Variants in PRC1 observed in about 807,000 individuals in gnomAD.
The protein encoded by PRC1 is protein regulator of cytokinesis 1, also known as anaphase spindle elongation 1 homolog.
PRC1 carries 54 observed loss-of-function variants against 91.2 expected under a neutral mutation model. The ratio of observed to expected loss-of-function variants is 0.59; its 90% CI spans 0.48 to 0.74. PRC1 has a LOEUF of 0.74. Among genes scored for constraint, PRC1 ranks in the 30% least tolerant of loss-of-function variants. PRC1 has a pLI of 0.00. For synonymous variants in PRC1, 275 were observed against 263.6 expected, an observed-to-expected ratio of 1.04 and a Z score of -0.42; for missense variants, 727 against 746.2, an observed-to-expected ratio of 0.97 and a Z score of 0.30.
chr15:90,983,592 A>T (rs1024326537), intron 3 of PRC1: 1 of 153,138 alleles, frequency 6.5e-6, no homozygotes, highest in Non-Finnish European at 1.5e-5. Flanking sequence ...GTTCAGTGGT[A>T]TGCAGCTTCT....
In PRC1 at chr15:90,981,015, G is replaced by C. The variant is rs767594265; in HGVS notation, c.691C>G (p.Gln231Glu). ...AGCCCCTCACACACTGCTTCATTTT[G>C]TGATTTCTGCATTTCCAGCTACAGC... ...LLRQLEMQKSQNEAVCEGLRT... is the reference protein window; with the variant it reads ...LLRQLEMQKSENEAVCEGLRT... The change falls in exon 6 of 15, where the codon CAA becomes GAA. Residue 231 changes from glutamine (Q) to glutamate (E), a missense_variant. By Grantham distance (29) the Gln-to-Glu change is conservative (BLOSUM62 2). Coordinates refer to ENST00000394249, the MANE Select transcript of PRC1 (RefSeq NM_003981.4). The C allele has an allele frequency of 5.0e-6, 8 of 1,614,156 alleles. No individual in the cohort carries two copies. The South Asian group carries it at 8.8e-5, about 18-fold the overall frequency.
rs202171347 is a variant in PRC1 at position 90,974,692 on chromosome 15, G to C, written c.1243C>G (p.Gln415Glu). Residue 415 changes from glutamine to glutamate, a missense_variant, in exon 10 of 15, where the codon CAG becomes GAG. Transcript: ENST00000394249. This position sits in a 1 kb window ranked among gnomAD's most constrained non-coding sequence, Gnocchi z 4.6. ...ACCATAAATGCCTTTGAATGTTCCTGTTCCCACAATTCAATTCGTGCCTTC... is the reference window on the plus strand; with the variant it reads ...ACCATAAATGCCTTTGAATGTTCCTCTTCCCACAATTCAATTCGTGCCTTC... The part of the protein sequence containing the change: ...ELKARIELWE[Q>E]EHSKAFMVNG... 3.1e-6 allele frequency: 5 copies of C among 1,614,160 alleles called. No homozygotes were observed. The highest frequency in any genetic ancestry group is 3.4e-6 in the Non-Finnish European group (4 of 1,180,028).
chr15:90,989,458 C>A (rs1337156686), intron 1 of PRC1, among the ~76,000 whole-genome samples: 1 of 137,472 alleles, frequency 7.3e-6, no homozygotes, highest in Non-Finnish European at 1.5e-5. Context: ...GTTGCTCAGG[C>A]TGGTCTTGAA....
chr15:90,991,190 C>A (rs1034452580), intron 1 of PRC1, among the ~76,000 whole-genome samples: 3 of 151,538 alleles, frequency 2.0e-5, no homozygotes, highest in Non-Finnish European at 4.4e-5. Context: ...CCAAGGCGGG[C>A]GGATCACCTG....
At chr15:90,980,147 G>A in intron 7 of PRC1, 95 bp downstream of exon 7, 2 of 1,417,364 alleles carry the variant, frequency 1.4e-6, no homozygotes, top group Non-Finnish European at 1.9e-6. Context: ...CAAGTTGGGA[G>A]GATTGTTTGA....
intron 8 of PRC1, among the ~76,000 whole-genome samples, chr15:90,977,481 A>G (rs889622972): frequency 8.6e-5 from 13 of 151,992 alleles, no homozygotes; most frequent in Admixed American, 5.2e-4. Context: ...GTGACAGCCA[A>G]TAGTTACTAG....
At chr15:90,989,412 AT>A (rs58512103) in intron 1 of PRC1, among the ~76,000 whole-genome samples, 2,770 of 118,464 alleles carry the variant, frequency 0.023, 92 homozygotes, top group African/African-American at 0.078. Flanking sequence ...TGCTTGGCTA[AT>A]TTTTTTTTTT....
chr15:90,981,391 T>G, intron 5 of PRC1, 108 bp downstream of exon 5: 1 of 1,310,984 alleles, frequency 7.6e-7, no homozygotes, highest in Non-Finnish European at 1.1e-6. Context: ...TCCCTCATTC[T>G]CTTACCTTAC....
At chr15:90,976,380 G>T (rs890314952) in intron 9 of PRC1, among the ~76,000 whole-genome samples, 10 of 150,970 alleles carry the variant, frequency 6.6e-5, no homozygotes, top group Non-Finnish European at 7.4e-5. Context: ...CTGACCTCAT[G>T]ATCAAGACCA....
At chr15:90,982,769 T>C (rs1224228471) in intron 3 of PRC1, 1 of 151,860 alleles carries the variant, frequency 6.6e-6, no homozygotes, top group Non-Finnish European at 1.5e-5. Flanking sequence ...GAAATAACAG[T>C]GTAAATTGGC....
rs2038525861 is a variant in PRC1 at position 90,974,790 on chromosome 15, G to T, written c.1204-59C>A. 1 of 1,589,572 alleles carries T rather than the reference G, an allele frequency of 6.3e-7. No individual in the cohort carries two copies. Among genetic ancestry groups the T allele is most frequent in the Admixed American group, 1.7e-5 (1 of 59,800 alleles). ...CAACTCTTTAGTGCAAAGCCCAAAT[G>T]AAATGATTTCCCTAGAGAGTGACTC... On this transcript the variant is annotated intron_variant, in intron 9 of 14. Coordinates refer to ENST00000394249, the MANE Select transcript of PRC1 (RefSeq NM_003981.4). The surrounding 1 kb of genome is among the most constrained non-coding windows in gnomAD (Gnocchi z 4.6).
rs79586460 is a variant in PRC1 at position 90,981,052 on chromosome 15, G to A, written c.673-19C>T. 3,640 of 1,613,574 alleles carry A rather than the reference G, an allele frequency of 2.3e-3. 2 individuals carry two copies. Among genetic ancestry groups the A allele is most frequent in the Non-Finnish European group, 2.7e-3 (3,201 of 1,179,890 alleles). On this transcript the variant is annotated intron_variant, in intron 5 of 14. Coordinates refer to ENST00000394249, the MANE Select transcript of PRC1 (RefSeq NM_003981.4). ...TTTCCAGCTACAGCATAGAAAGCCA[G>A]TGTCACTCACGGCAAAGCAGCAGCA...
chr15:90,978,238 G>A (rs1206471931), intron 8 of PRC1, among the ~76,000 whole-genome samples: 2 of 152,206 alleles, frequency 1.3e-5, no homozygotes, highest in Non-Finnish European at 2.9e-5. Flanking sequence ...TATAGCAAAA[G>A]TTGGAATGGT....
chr15:90,982,186 C>A, intron 3 of PRC1: 1 of 587,930 alleles, frequency 1.7e-6, no homozygotes, highest in Non-Finnish European at 3.0e-6. Context: ...GGTACTTTTC[C>A]CCCCAATTTT....
chr15:90,991,667 T>TATAA, intron 1 of PRC1, among the ~76,000 whole-genome samples: 1 of 152,084 alleles, frequency 6.6e-6, no homozygotes, highest in South Asian at 2.1e-4. Context: ...CTTTCTTATA[T>TATAA]GCCCGCCATT....
intron 7 of PRC1, 124 bp from the exon 8 acceptor site, chr15:90,979,418 GGC>G: frequency 8.7e-7 from 1 of 1,146,336 alleles, no homozygotes; most frequent in Non-Finnish European, 1.2e-6. Context: ...TACAGGAAGA[GGC>G]GTGTGTGTGT....
At chr15:90,973,711 A>T (rs952767657) in intron 11 of PRC1, among the ~76,000 whole-genome samples, 1 of 151,972 alleles carries the variant, frequency 6.6e-6, no homozygotes, top group Non-Finnish European at 1.5e-5. Context: ...TCTTTACTAC[A>T]CTGAGATGTT....
intron 8 of PRC1, among the ~76,000 whole-genome samples, chr15:90,978,416 G>A (rs926325747): frequency 6.6e-6 from 1 of 152,100 alleles, no homozygotes; most frequent in African/African-American, 2.4e-5. Flanking sequence ...AAGGAGTGAG[G>A]GGCAATGCCT....
chr15:90,992,535 T>TGAG (rs2040037306), intron 1 of PRC1, among the ~76,000 whole-genome samples: 1 of 152,184 alleles, frequency 6.6e-6, no homozygotes, highest in Non-Finnish European at 1.5e-5. Context: ...ATTACAGGTG[T>TGAG]GAGCCACTGT....
Sources: gnomAD v4.1 joint callset for allele counts (sites outside exome capture counted in the v4.1 genomes callset) on GRCh38, gnomAD v4.1.1 for gene constraint, Gnocchi (gnomAD v3.1) non-coding constraint, MANE v1.5 for transcripts, NCBI Gene and HGNC (gene_info 2026-07-23, HGNC 2026-07-21) for gene names.